FAT3: variants seen among roughly 807,000 people sequenced by gnomAD.
FAT3 encodes the protein protocadherin Fat 3.
Under a neutral mutation model 310.2 loss-of-function variants are expected in FAT3, and 95 were observed. The ratio of observed to expected loss-of-function variants is 0.31; its 90% confidence interval spans 0.26 to 0.36. The LOEUF (loss-of-function observed/expected upper bound fraction) is 0.36. Ranked by LOEUF, FAT3 falls within the 10% of genes least tolerant of loss-of-function variation. FAT3 has a pLI of 1.00. For synonymous variants in FAT3, 2,314 were observed against 2,192.9 expected, an observed-to-expected ratio of 1.06 and a Z score of -1.54; for missense variants, 5,408 against 5,715.6, an observed-to-expected ratio of 0.95 and a Z score of 1.74.
intron 2 of FAT3, among the ~76,000 whole-genome samples, chr11:92,457,071 G>C (rs958373983): frequency 2.6e-5 from 4 of 152,136 alleles, no homozygotes; most frequent in Admixed American, 1.3e-4. Flanking sequence ...TGATTTATGA[G>C]AGCATAGCCA....
intron 2 of FAT3, among the ~76,000 whole-genome samples, chr11:92,442,811 A>AT (rs568116674): frequency 5.9e-5 from 9 of 151,404 alleles, no homozygotes; most frequent in Admixed American, 1.3e-4. Context: ...TGACAGGTTC[A>AT]TTTTTTTTTA....
intron 1 of FAT3, among the ~76,000 whole-genome samples, chr11:92,319,907 CAGAG>C (rs945426427): frequency 1.3e-5 from 2 of 152,140 alleles, no homozygotes; most frequent in African/African-American, 4.8e-5. Flanking sequence ...ATGAGGAAGA[CAGAG>C]GGAGTTTTTA....
intron 2 of FAT3, among the ~76,000 whole-genome samples, chr11:92,414,348 A>G (rs1281866412): frequency 6.6e-6 from 1 of 152,188 alleles, no homozygotes. Context: ...GATGCTTAAA[A>G]AGAGAACTAG....
intron 2 of FAT3, among the ~76,000 whole-genome samples, chr11:92,516,440 C>G (rs1054566653): frequency 3.3e-5 from 5 of 152,170 alleles, no homozygotes; most frequent in South Asian, 2.1e-4. Context: ...ATTAAACACC[C>G]CTTCATACTA....
At chr11:92,867,750 A>T (rs1949285166) in intron 22 of FAT3, among the ~76,000 whole-genome samples, 1 of 152,244 alleles carries the variant, frequency 6.6e-6, no homozygotes, top group South Asian at 2.1e-4. Context: ...TGTATATTAA[A>T]AATAAGTCTA....
At chr11:92,623,816 G>A (rs1941202214) in intron 3 of FAT3, among the ~76,000 whole-genome samples, 3 of 152,168 alleles carry the variant, frequency 2.0e-5, no homozygotes, top group Admixed American at 6.5e-5. Flanking sequence ...TGAGGCGGGT[G>A]CCTGTAGTCC....
intron 1 of FAT3, among the ~76,000 whole-genome samples, chr11:92,247,529 A>G (rs998286058): frequency 3.3e-4 from 50 of 152,014 alleles, no homozygotes; most frequent in African/African-American, 1.2e-3. Context: ...GGTAACTTAA[A>G]CTTCTGTGAC....
chr11:92,835,029 A>T lies in FAT3; in HGVS notation c.10031A>T (p.Asp3344Val), dbSNP rs768890249. The change falls in exon 15 of 28, where the codon GAC becomes GTC. Residue 3344 changes from aspartate (D) to valine (V), a missense_variant. By Grantham distance (152) the Asp-to-Val change is radical (BLOSUM62 -3). This residue lies in a region of FAT3 where 4,588 missense variants were observed against 4,809.8 expected (regional missense o/e 0.95). Coordinates refer to ENST00000525166, the MANE Select transcript of FAT3 (RefSeq NM_001367949.2). ...VNDNPPKFSQ[D>V]VYSAVISEDA... ...GACAACCCTCCCAAGTTCAGCCAAG[A>T]CGTCTACAGTGCGGTTATCAGTGAA... 113 of 1,613,760 alleles carry T rather than the reference A, an allele frequency of 7.0e-5. 1 individual carries two copies. In the Middle Eastern group the frequency reaches 9.9e-4, roughly 14 times the overall value.
chr11:92,580,563 T>A (rs1054262511), intron 3 of FAT3, among the ~76,000 whole-genome samples: 1 of 152,106 alleles, frequency 6.6e-6, no homozygotes, highest in Non-Finnish European at 1.5e-5. Flanking sequence ...TTATCTTTAA[T>A]CCTTCTCCTT....
intron 13 of FAT3, among the ~76,000 whole-genome samples, chr11:92,820,487 G>A (rs960538629): frequency 1.3e-5 from 2 of 152,132 alleles, no homozygotes; most frequent in Non-Finnish European, 2.9e-5. Flanking sequence ...TCACAATTCA[G>A]TCTATAACAC....
intron 2 of FAT3, among the ~76,000 whole-genome samples, chr11:92,416,484 G>A (rs1950417167): frequency 6.6e-6 from 1 of 151,912 alleles, no homozygotes; most frequent in South Asian, 2.1e-4. Context: ...TTTATACATT[G>A]TTCTCTAATT....
At chr11:92,473,155 C>CAGA (rs1361338961) in intron 2 of FAT3, among the ~76,000 whole-genome samples, 5 of 152,152 alleles carry the variant, frequency 3.3e-5, no homozygotes, top group African/African-American at 1.2e-4. Context: ...ACTCTGGGTT[C>CAGA]ACGTATCTAT....
At chr11:92,769,509 G>C (rs1298458246) in intron 6 of FAT3, among the ~76,000 whole-genome samples, 2 of 152,122 alleles carry the variant, frequency 1.3e-5, no homozygotes, top group Non-Finnish European at 2.9e-5. Flanking sequence ...TCTTTATTCT[G>C]TTGGCAAATA....
chr11:92,336,495 A>G (rs1291551516), intron 1 of FAT3: 1 of 277,092 alleles, frequency 3.6e-6, no homozygotes, highest in African/African-American at 2.2e-5. Context: ...CCCAACTGCC[A>G]TGACAGATAG....
At chr11:92,605,924 A>G (rs1039731704) in intron 3 of FAT3, among the ~76,000 whole-genome samples, 1 of 152,060 alleles carries the variant, frequency 6.6e-6, no homozygotes, top group Non-Finnish European at 1.5e-5. Context: ...AGAATGGGTG[A>G]CCAGTCAGAA....
At chr11:92,808,791 T>G (rs566478354) in intron 12 of FAT3, among the ~76,000 whole-genome samples, 1 of 152,110 alleles carries the variant, frequency 6.6e-6, no homozygotes, top group Non-Finnish European at 1.5e-5. Context: ...CCAGGCATGG[T>G]GGCGGGCACC....
At chr11:92,732,353 T>C (rs888443105) in intron 4 of FAT3, among the ~76,000 whole-genome samples, 1 of 152,192 alleles carries the variant, frequency 6.6e-6, no homozygotes, top group Non-Finnish European at 1.5e-5. Flanking sequence ...GGGATGAGGT[T>C]TGAACAGGCA....
intron 2 of FAT3, among the ~76,000 whole-genome samples, chr11:92,483,624 A>G (rs961400275): frequency 1.1e-4 from 16 of 151,538 alleles, no homozygotes; most frequent in African/African-American, 3.9e-4. Context: ...CCTTTTTTCC[A>G]TCCTTTCTTT....
At chr11:92,251,815 T>G (rs929731010) in intron 1 of FAT3, among the ~76,000 whole-genome samples, 1 of 152,134 alleles carries the variant, frequency 6.6e-6, no homozygotes, top group Admixed American at 6.5e-5. Flanking sequence ...AAGCTTATTG[T>G]TTTTTGAGAA....
Sources: allele counts gnomAD v4.1 joint callset (sites outside exome capture counted in the v4.1 genomes callset), GRCh38; gene constraint gnomAD v4.1.1; regional missense constraint gnomAD v4.1.1; transcripts MANE v1.5; gene names NCBI Gene and HGNC (gene_info 2026-07-23, HGNC 2026-07-21).